Variants in SLC13A3 observed in about 807,000 individuals in gnomAD.
SLC13A3 encodes the protein solute carrier family 13 member 3.
Under a neutral mutation model 59.0 loss-of-function variants are expected in SLC13A3, and 40 were observed. The observed-to-expected ratio is 0.68, with a 90% CI of 0.53 to 0.88. The LOEUF (loss-of-function observed/expected upper bound fraction) is 0.88, where lower values mean the gene tolerates loss of function less well. Among genes scored for constraint, SLC13A3 ranks in the 40% least tolerant of loss-of-function variants. SLC13A3 has a pLI of 0.00. For missense variants in SLC13A3, 699 were observed against 783.2 expected (o/e 0.89, Z 1.28); for synonymous variants, 317 against 330.3 (o/e 0.96, Z 0.44).
intron 8 of SLC13A3, among the ~76,000 whole-genome samples, chr20:46,587,436 C>T (rs561879813): frequency 1.3e-5 from 2 of 152,078 alleles, no homozygotes; most frequent in African/African-American, 2.4e-5. Context: ...TTTCCTCACC[C>T]GCTTTCCTTC....
chr20:46,614,252 A>G (rs1330417145), intron 1 of SLC13A3, among the ~76,000 whole-genome samples: 2 of 152,136 alleles, frequency 1.3e-5, no homozygotes, highest in African/African-American at 4.8e-5. Context: ...CCTGAAGCTC[A>G]ATTCTGATGG....
At chr20:46,674,604 C>CGCGCGCGCGCGCGCGCGT (rs370861850), upstream of SLC13A3, among the ~76,000 whole-genome samples, 1 of 127,882 alleles carries the variant, frequency 7.8e-6, no homozygotes, top group African/African-American at 3.2e-5. Flanking sequence ...CGCGCGCGCG[C>CGCGCGCGCGCGCGCGCGT]GTGTGTGTGT....
rs1252598469 is a variant in SLC13A3 at position 46,558,745 on chromosome 20, GA to G, written c.*1276del. Reference sequence around the variant, plus strand: ...CCCAGCTGGCCAAGCGCTCCTAGGGGAATCTCCACCCTCAGAGGCTTAGGAA... The same window carrying G: ...CCCAGCTGGCCAAGCGCTCCTAGGGGATCTCCACCCTCAGAGGCTTAGGAA... On this transcript the variant is annotated 3_prime_UTR_variant, in exon 13 of 13. Coordinates refer to ENST00000279027, the MANE Select transcript of SLC13A3 (RefSeq NM_022829.6). 3 of 152,170 alleles carry G rather than the reference GA, an allele frequency of 2.0e-5. No individual in the cohort carries two copies. Among genetic ancestry groups the G allele is most frequent in the Admixed American group, 6.5e-5 (1 of 15,280 alleles). 9.4% of individuals were successfully genotyped at this position (152,170 alleles called of 1,614,324 possible). A position where few individuals can be genotyped will look rare whatever the true frequency, so the allele number is the denominator to read the frequency against.
chr20:46,621,746 G>A (rs1473225465), intron 1 of SLC13A3, among the ~76,000 whole-genome samples: 4 of 152,182 alleles, frequency 2.6e-5, no homozygotes, highest in Non-Finnish European at 5.9e-5. Context: ...CACATCCAAT[G>A]TCACATGATA....
At chr20:46,592,078 T>C (rs993486731) in intron 6 of SLC13A3, among the ~76,000 whole-genome samples, 5 of 152,070 alleles carry the variant, frequency 3.3e-5, no homozygotes, top group African/African-American at 1.2e-4. Context: ...CCAGGCACAG[T>C]GGCACTTGCC....
At chr20:46,625,500 G>A (rs965892949) in intron 1 of SLC13A3, among the ~76,000 whole-genome samples, 5 of 152,176 alleles carry the variant, frequency 3.3e-5, no homozygotes, top group African/African-American at 9.7e-5. Flanking sequence ...AGCTCATTGA[G>A]CTATAATTTA....
chr20:46,652,250 TAA>T (rs1157136293), upstream of SLC13A3, among the ~76,000 whole-genome samples: 2 of 152,146 alleles, frequency 1.3e-5, no homozygotes, highest in Non-Finnish European at 2.9e-5. Context: ...GTTAAATTTT[TAA>T]AAATAGTCTA....
intron 1 of SLC13A3, among the ~76,000 whole-genome samples, chr20:46,637,894 G>A (rs776522393): frequency 2.8e-4 from 43 of 152,154 alleles, no homozygotes; most frequent in Non-Finnish European, 5.9e-4. Context: ...GATTCAGGGG[G>A]ACATACCACC....
intron 12 of SLC13A3, among the ~76,000 whole-genome samples, chr20:46,561,927 G>C (rs985956681): frequency 3.9e-5 from 6 of 152,164 alleles, no homozygotes; most frequent in African/African-American, 1.4e-4. Flanking sequence ...ACTCTCAGGA[G>C]CGAACCTGCA....
intron 1 of SLC13A3, among the ~76,000 whole-genome samples, chr20:46,636,596 TTCCCCTGGC>T (rs1287888130): frequency 6.6e-6 from 1 of 152,182 alleles, no homozygotes; most frequent in Non-Finnish European, 1.5e-5. Flanking sequence ...AAGCACCTGG[TTCCCCTGGC>T]TCCTCATCAC....
chr20:46,600,439 GAAGGAAAAGGA>G, intron 3 of SLC13A3: 1 of 177,482 alleles, frequency 5.6e-6, no homozygotes, highest in Non-Finnish European at 1.3e-5. Flanking sequence ...AGGAAGGAAG[GAAGGAAAAGGA>G]AAGGAAAAAG....
At chr20:46,615,136 A>T (rs1264278515) in intron 1 of SLC13A3, among the ~76,000 whole-genome samples, 3 of 152,158 alleles carry the variant, frequency 2.0e-5, no homozygotes, top group Non-Finnish European at 2.9e-5. Context: ...TATTTGCATG[A>T]TCACTGTTGG....
At chr20:46,576,115 A>G (rs1483007005) in intron 9 of SLC13A3, among the ~76,000 whole-genome samples, 2 of 151,856 alleles carry the variant, frequency 1.3e-5, no homozygotes, top group East Asian at 3.9e-4. Context: ...GATGATTTTT[A>G]TTTCCTCGCA....
At chr20:46,639,086 A>C (rs2062821807) in intron 1 of SLC13A3, among the ~76,000 whole-genome samples, 1 of 152,112 alleles carries the variant, frequency 6.6e-6, no homozygotes, top group Admixed American at 6.6e-5. Context: ...CCCATTTCAC[A>C]GATGAAGAAA....
chr20:46,560,312 G>T, intron 12 of SLC13A3, 114 bp from the exon 13 acceptor site: 2 of 987,146 alleles, frequency 2.0e-6, no homozygotes, highest in Admixed American at 2.0e-5. Context: ...GCCAGGAAGT[G>T]ATGGAGCCAG....
intron 8 of SLC13A3, chr20:46,584,949 A>G (rs991005049): frequency 4.8e-5 from 8 of 167,138 alleles, no homozygotes; most frequent in African/African-American, 1.9e-4. Context: ...AAGATAAAAG[A>G]TAACGTCAAT....
Position 46,651,445 on chromosome 20 carries a change from GGCCGGCCCGGGACT to G in SLC13A3, c.-38_-25del, listed in dbSNP as rs2062951531. 1 of 1,457,392 alleles carries G rather than the reference GGCCGGCCCGGGACT, an allele frequency of 6.9e-7. No individual in the cohort carries two copies. Among genetic ancestry groups the G allele is most frequent in the Non-Finnish European group, 9.0e-7 (1 of 1,112,494 alleles). 90.3% of individuals were successfully genotyped at this position (1,457,392 alleles called of 1,614,324 possible). On this transcript the variant is annotated 5_prime_UTR_variant, in exon 1 of 13. Transcript: ENST00000279027. ...ATCAGCGCGATCGCCTGGCGGTACG[GGCCGGCCCGGGACT>G]GCCCCGCCTGGCCCCGGCGCCGGCT...
Position 46,559,839 on chromosome 20 carries a change from AAGAG to A in SLC13A3, c.*179_*182del, listed in dbSNP as rs1227206177. 6.8e-6 allele frequency: 4 copies of A among 590,956 alleles called. No homozygotes were observed. In the Admixed American group the frequency reaches 9.1e-5, roughly 14 times the overall value. The allele number at this position is 590,956 out of a possible 1,614,324, so 36.6% of individuals were successfully genotyped here. A position where few individuals can be genotyped will look rare whatever the true frequency, so the allele number is the denominator to read the frequency against. On this transcript the variant is annotated 3_prime_UTR_variant, in exon 13 of 13. Transcript: ENST00000279027. ...GATACCTGGGCTTTGAACTGCATGA[AAGAG>A]AGAGAAAGTATCCTAGATAATGGCT...
chr20:46,623,120 A>T (rs962685052), intron 1 of SLC13A3, among the ~76,000 whole-genome samples: 4 of 152,200 alleles, frequency 2.6e-5, no homozygotes, highest in African/African-American at 7.2e-5. Context: ...AGGACAGGAT[A>T]ACCCTGTTAC....
Sources: allele counts gnomAD v4.1 joint callset (sites outside exome capture counted in the v4.1 genomes callset), GRCh38; gene constraint gnomAD v4.1.1; transcripts MANE v1.5; gene names NCBI Gene and HGNC (gene_info 2026-07-23, HGNC 2026-07-21).